Variants in REDIC1 observed in about 807,000 individuals in gnomAD.
REDIC1 encodes the protein regulator of DNA class I crossover intermediates 1.
chr12:39,763,882 C>T, the REDIC1 span, among the ~76,000 whole-genome samples: 1 of 152,090 alleles, frequency 6.6e-6, no homozygotes, highest in South Asian at 2.1e-4. Context: ...TTGAATACTT[C>T]CGTCATGTTT....
At chr12:39,905,869 C>T in the REDIC1 span, among the ~76,000 whole-genome samples, 1 of 150,688 alleles carries the variant, frequency 6.6e-6, no homozygotes, top group Non-Finnish European at 1.5e-5. Flanking sequence ...TCTACTGTCT[C>T]TCACAGATGA....
At chr12:39,837,205 T>G in the REDIC1 span, among the ~76,000 whole-genome samples, 3 of 150,352 alleles carry the variant, frequency 2.0e-5, no homozygotes, top group Non-Finnish European at 4.4e-5. Flanking sequence ...AACTATCTGA[T>G]CTTTGAGAAA....
the REDIC1 span, among the ~76,000 whole-genome samples, chr12:39,767,450 G>A: frequency 6.6e-6 from 1 of 151,940 alleles, no homozygotes; most frequent in Non-Finnish European, 1.5e-5. Context: ...AAGGGCTCTA[G>A]GATTTTTGGA....
chr12:39,901,822 C>A, the REDIC1 span, among the ~76,000 whole-genome samples: 3 of 144,856 alleles, frequency 2.1e-5, no homozygotes, highest in African/African-American at 5.1e-5. Context: ...TACCATTTGA[C>A]CCAGCCATCC....
chr12:39,788,403 A>G, the REDIC1 span, among the ~76,000 whole-genome samples: 5 of 152,300 alleles, frequency 3.3e-5, no homozygotes, highest in Non-Finnish European at 7.4e-5. Flanking sequence ...TGAGAAGACT[A>G]CTAAATGATT....
the REDIC1 span, among the ~76,000 whole-genome samples, chr12:39,815,028 C>G: frequency 1.3e-5 from 2 of 151,084 alleles, no homozygotes; most frequent in Non-Finnish European, 2.9e-5. Context: ...TAAGCAAGAT[C>G]TAGTGTTATT....
chr12:39,650,443 A>C, the REDIC1 span: 1 of 1,485,696 alleles, frequency 6.7e-7, no homozygotes, highest in Non-Finnish European at 8.9e-7. This position sits in a 1 kb window ranked among gnomAD's most constrained non-coding sequence, Gnocchi z 4.3. Context: ...AAATATTTTT[A>C]GTTAAAAATA....
chr12:39,850,677 T>C, the REDIC1 span, among the ~76,000 whole-genome samples: 1 of 152,346 alleles, frequency 6.6e-6, no homozygotes, highest in East Asian at 1.9e-4. Context: ...CAACACATAA[T>C]TGTAAAACAT....
the REDIC1 span, among the ~76,000 whole-genome samples, chr12:39,798,665 G>C: frequency 1.3e-5 from 2 of 152,176 alleles, no homozygotes; most frequent in East Asian, 1.9e-4. Context: ...AACAGCCCGG[G>C]CTAGTGCTGA....
chr12:39,711,718 TATGCACATGC>T, the REDIC1 span, among the ~76,000 whole-genome samples: 2 of 63,870 alleles, frequency 3.1e-5, no homozygotes, highest in Non-Finnish European at 7.2e-5. Context: ...CATGCATGTG[TATGCACATGC>T]ATGTGTGTAT....
At chr12:39,815,031 G>A in the REDIC1 span, among the ~76,000 whole-genome samples, 144 of 151,798 alleles carry the variant, frequency 9.5e-4, no homozygotes, top group Admixed American at 1.6e-3. Flanking sequence ...GCAAGATCTA[G>A]TGTTATTACT....
At chr12:39,643,502 T>G in the REDIC1 span, among the ~76,000 whole-genome samples, 1 of 151,708 alleles carries the variant, frequency 6.6e-6, no homozygotes, top group Non-Finnish European at 1.5e-5. Context: ...ACTTTCTATA[T>G]AGAGATAATT....
chr12:39,857,808 C>A, the REDIC1 span, among the ~76,000 whole-genome samples: 5 of 152,292 alleles, frequency 3.3e-5, no homozygotes, highest in Admixed American at 2.6e-4. Flanking sequence ...TTGGTCAATT[C>A]TTTGAAGAAG....
At chr12:39,739,493 A>G in the REDIC1 span, among the ~76,000 whole-genome samples, 8 of 152,286 alleles carry the variant, frequency 5.3e-5, no homozygotes, top group Admixed American at 3.9e-4. Context: ...GTCTAATAGG[A>G]GCTCCCAAGT....
At chr12:39,809,136 T>C in the REDIC1 span, among the ~76,000 whole-genome samples, 10 of 152,312 alleles carry the variant, frequency 6.6e-5, no homozygotes, top group African/African-American at 1.4e-4. Context: ...GCAATGTAGA[T>C]AGCCAACTGT....
chr12:39,711,745 ATACACATGCATGTGTATGTGTGTG>A, the REDIC1 span, among the ~76,000 whole-genome samples: 29 of 74,004 alleles, frequency 3.9e-4, 2 homozygotes, highest in African/African-American at 1.6e-3. Flanking sequence ...GTATGTGTGT[ATACACATGCATGTGTATGTGTGTG>A]TGCACATGCA....
chr12:39,716,990 T>C, the REDIC1 span: 3 of 449,502 alleles, frequency 6.7e-6, no homozygotes, highest in Non-Finnish European at 1.1e-5. Context: ...TTTTAAAAAG[T>C]ACATTTAAAA....
At chr12:39,643,051 C>T in the REDIC1 span, among the ~76,000 whole-genome samples, 1 of 151,598 alleles carries the variant, frequency 6.6e-6, no homozygotes, top group East Asian at 1.9e-4. Flanking sequence ...ACATTCATAG[C>T]ATTATATTAT....
the REDIC1 span, among the ~76,000 whole-genome samples, chr12:39,695,581 A>G: frequency 6.6e-6 from 1 of 151,734 alleles, no homozygotes; most frequent in Non-Finnish European, 1.5e-5. Context: ...CCCCAGTAAA[A>G]TAGAATACCA....
Sources: allele counts gnomAD v4.1 joint callset (sites outside exome capture counted in the v4.1 genomes callset), GRCh38; gene constraint gnomAD v4.1.1; non-coding constraint Gnocchi (gnomAD v3.1); transcripts MANE v1.5; gene names NCBI Gene and HGNC (gene_info 2026-07-23, HGNC 2026-07-21).